Variants in UXS1 observed in about 807,000 individuals in gnomAD.
UXS1 encodes UDP-glucuronic acid decarboxylase 1.
Under a neutral mutation model 62.6 loss-of-function variants are expected in UXS1, and 33 were observed. That is an observed-to-expected ratio of 0.53 (90% confidence interval 0.40 to 0.70). The LOEUF is 0.70. Ranked by LOEUF, UXS1 falls within the 30% of genes least tolerant of loss-of-function variation. UXS1 has a pLI of 0.00. For missense variants in UXS1, 434 were observed against 556.3 expected, an observed-to-expected ratio of 0.78 and a Z score of 2.21; for synonymous variants, 213 against 206.8, an observed-to-expected ratio of 1.03 and a Z score of -0.26.
chr2:106,171,563 G>A (rs1683559655), intron 1 of UXS1, among the ~76,000 whole-genome samples: 1 of 152,214 alleles, frequency 6.6e-6, no homozygotes, highest in South Asian at 2.1e-4. Flanking sequence ...GGGATTTTAA[G>A]AGGCACATTT....
chr2:106,193,421 C>T (rs1685058876), intron 1 of UXS1, among the ~76,000 whole-genome samples: 1 of 152,134 alleles, frequency 6.6e-6, no homozygotes, highest in South Asian at 2.1e-4. Flanking sequence ...CGACCACCTG[C>T]CTGCGAAGTG....
At chr2:106,101,584 A>T (rs1365677768) in intron 11 of UXS1, 1 of 155,112 alleles carries the variant, frequency 6.4e-6, no homozygotes, top group Non-Finnish European at 1.4e-5. Flanking sequence ...GAAATGAACG[A>T]ACTCCAGTAT....
chr2:106,151,912 A>T (rs373241875), intron 5 of UXS1, among the ~76,000 whole-genome samples: 12 of 152,370 alleles, frequency 7.9e-5, no homozygotes, highest in Middle Eastern at 3.4e-3. Flanking sequence ...ATGGGGTAAC[A>T]GTCTAATATC....
intron 10 of UXS1, among the ~76,000 whole-genome samples, chr2:106,106,469 T>C (rs920267972): frequency 2.0e-5 from 3 of 152,192 alleles, no homozygotes; most frequent in Admixed American, 6.5e-5. Context: ...TAAACATTTA[T>C]ATGCCAATTC....
chr2:106,150,938 G>A (rs1289275888), intron 5 of UXS1, among the ~76,000 whole-genome samples: 1 of 152,206 alleles, frequency 6.6e-6, no homozygotes, highest in Non-Finnish European at 1.5e-5. Flanking sequence ...ATGGAGTCAA[G>A]AAAGATTATC....
In UXS1 at chr2:106,194,256, C is replaced by T. The variant is rs1024065976; in HGVS notation, c.-15G>A. ...TTGCTCACCATCCCCGGGAGCCGCG[C>T]GGGTCCAGGGCCCTACCGCGCGGGG... On this transcript the variant is annotated 5_prime_UTR_variant, in exon 1 of 15. Transcript: ENST00000283148. 42 of 1,366,992 alleles carry T rather than the reference C, an allele frequency of 3.1e-5. No individual in the cohort carries two copies. In the African/African-American group the frequency reaches 4.6e-4, roughly 15 times the overall value. The allele number at this position is 1,366,992 out of a possible 1,614,324, so 84.7% of individuals were successfully genotyped here.
intron 2 of UXS1, 49 bp from the exon 3 acceptor site, chr2:106,164,848 C>G: frequency 7.0e-7 from 1 of 1,424,614 alleles, no homozygotes; most frequent in East Asian, 2.4e-5. Flanking sequence ...AAGACTGTTT[C>G]TGAATAAATT....
At chr2:106,154,257 A>C (rs1682256834) in intron 5 of UXS1, among the ~76,000 whole-genome samples, 1 of 152,246 alleles carries the variant, frequency 6.6e-6, no homozygotes, top group African/African-American at 2.4e-5. Flanking sequence ...ATAGATGCAC[A>C]CAGACACATC....
chr2:106,102,452 A>G (rs989802684), intron 11 of UXS1: 2 of 152,218 alleles, frequency 1.3e-5, no homozygotes, highest in African/African-American at 4.8e-5. Context: ...TTTACATGAC[A>G]AACTGGCAAC....
intron 5 of UXS1, among the ~76,000 whole-genome samples, chr2:106,146,671 T>C (rs1232620197): frequency 6.8e-6 from 1 of 147,532 alleles, no homozygotes; most frequent in Non-Finnish European, 1.5e-5. Flanking sequence ...TCCCAGCTAG[T>C]TGGGAGGCTA....
chr2:106,105,189 A>G (rs1271878021), intron 10 of UXS1, among the ~76,000 whole-genome samples: 1 of 152,188 alleles, frequency 6.6e-6, no homozygotes, highest in African/African-American at 2.4e-5. Flanking sequence ...AGATCTACAC[A>G]CAAACATTAA....
chr2:106,115,906 G>T (rs1037717655), intron 9 of UXS1, among the ~76,000 whole-genome samples: 1 of 152,226 alleles, frequency 6.6e-6, no homozygotes, highest in Non-Finnish European at 1.5e-5. Context: ...CAGTGACCAC[G>T]TGTGGAATAG....
chr2:106,160,889 G>T (rs1682846697), intron 4 of UXS1, among the ~76,000 whole-genome samples: 1 of 152,192 alleles, frequency 6.6e-6, no homozygotes, highest in Non-Finnish European at 1.5e-5. Context: ...CCAAGTTTTA[G>T]ATTTCATATG....
intron 9 of UXS1, among the ~76,000 whole-genome samples, chr2:106,117,267 T>C (rs530249899): frequency 6.6e-6 from 1 of 152,374 alleles, no homozygotes; most frequent in Non-Finnish European, 1.5e-5. Flanking sequence ...TGTCAATAAT[T>C]ATCTTGCTTT....
At chr2:106,136,255 G>A (rs1181771277) in intron 6 of UXS1, among the ~76,000 whole-genome samples, 1 of 90,108 alleles carries the variant, frequency 1.1e-5, no homozygotes, top group Non-Finnish European at 2.2e-5. Context: ...TAAAAAGTCA[G>A]GAAACAACAG....
rs150465158 is a variant in UXS1 at position 106,163,623 on chromosome 2, A to G, written c.230+44T>C. ...ACAGAATTAATTACTCAATTGAGAC[A>G]AACTTATTTTAACTATTGACTTTAA... On this transcript the variant is annotated intron_variant, in intron 4 of 14. Transcript: ENST00000283148. 906 of 1,373,980 alleles carry G rather than the reference A, an allele frequency of 6.6e-4. 1 individual carries two copies. The highest frequency in any genetic ancestry group is 2.2e-3 in the Admixed American group (69 of 31,886). 85.1% of individuals were successfully genotyped at this position (1,373,980 alleles called of 1,614,324 possible).
intron 1 of UXS1, among the ~76,000 whole-genome samples, chr2:106,188,979 TG>T (rs1466384697): frequency 6.6e-6 from 1 of 151,798 alleles, no homozygotes; most frequent in Non-Finnish European, 1.5e-5. Flanking sequence ...AAAAATAAAA[TG>T]TAAAAAAATC....
At chr2:106,159,303 C>T (rs910962079) in intron 4 of UXS1, 1 of 152,178 alleles carries the variant, frequency 6.6e-6, no homozygotes, top group Admixed American at 6.5e-5. Flanking sequence ...TCCACAAGAG[C>T]GAGAAGAGAT....
intron 8 of UXS1, among the ~76,000 whole-genome samples, chr2:106,124,948 T>C (rs1255378378): frequency 6.6e-6 from 1 of 152,210 alleles, no homozygotes; most frequent in Non-Finnish European, 1.5e-5. Context: ...AATTACATCA[T>C]ACTAAAACCT....
Sources: gnomAD v4.1 joint callset for allele counts (sites outside exome capture counted in the v4.1 genomes callset) on GRCh38, gnomAD v4.1.1 for gene constraint, MANE v1.5 for transcripts, NCBI Gene and HGNC (gene_info 2026-07-23, HGNC 2026-07-21) for gene names.